SLC8A3: variants seen among roughly 807,000 people sequenced by gnomAD.
SLC8A3 encodes the protein solute carrier family 8 member A3.
A neutral mutation model predicts 65.4 loss-of-function variants in SLC8A3; 37 were observed. The observed-to-expected ratio is 0.57, with a 90% CI of 0.44 to 0.74. SLC8A3 has a LOEUF of 0.74. Among genes scored for constraint, SLC8A3 ranks in the 30% least tolerant of loss-of-function variants. The probability of loss-of-function intolerance (pLI) is 0.00; values close to 1 mark genes in which losing one functional copy is unlikely to be tolerated. For synonymous variants in SLC8A3, 461 were observed against 444.5 expected, an observed-to-expected ratio of 1.04 and a Z score of -0.47; for missense variants, 1,112 against 1,172.1, an observed-to-expected ratio of 0.95 and a Z score of 0.75.
Position 70,107,356 on chromosome 14 carries a change from C to T in SLC8A3, c.1785-46417G>A, listed in dbSNP as rs571441916. 2.0e-5 allele frequency among the ~76,000 whole-genome samples: 3 copies of T among 152,200 alleles called. No homozygotes were observed. In the South Asian group the frequency reaches 6.2e-4, roughly 32 times the overall value. On this transcript the variant is annotated intron_variant, in intron 2 of 6. Coordinates refer to ENST00000356921, the MANE Select transcript of SLC8A3 (RefSeq NM_182932.3). The stretch of plus-strand genomic sequence containing the variant: ...GATACTTTTTATCAGAATCCTTGAA[C>T]AGAATAGCCATTTCACATTCAGATT...
At chr14:70,076,720 A>C (rs142396687) in intron 2 of SLC8A3, among the ~76,000 whole-genome samples, 1 of 152,244 alleles carries the variant, frequency 6.6e-6, no homozygotes, top group East Asian at 1.9e-4. Context: ...CCTTCAAAAC[A>C]TGCATGAAAA....
At chr14:70,098,280 G>T (rs954055521) in intron 2 of SLC8A3, among the ~76,000 whole-genome samples, 2 of 133,066 alleles carry the variant, frequency 1.5e-5, no homozygotes, top group Non-Finnish European at 3.2e-5. Flanking sequence ...TTCTTTAGAG[G>T]TTTTCCTTCT....
chr14:70,077,051 C>T (rs967834780), intron 2 of SLC8A3, among the ~76,000 whole-genome samples: 1 of 152,180 alleles, frequency 6.6e-6, no homozygotes, highest in Non-Finnish European at 1.5e-5. Flanking sequence ...CCCCACAGCA[C>T]AGTAACTGGC....
intron 1 of SLC8A3, among the ~76,000 whole-genome samples, chr14:70,185,422 G>C (rs1427108195): frequency 1.3e-5 from 2 of 152,220 alleles, no homozygotes; most frequent in African/African-American, 2.4e-5. Flanking sequence ...ACTGTGCCCA[G>C]AGAATGCAAG....
At chr14:70,074,518 C>T (rs894314268) in intron 2 of SLC8A3, among the ~76,000 whole-genome samples, 8 of 152,140 alleles carry the variant, frequency 5.3e-5, no homozygotes, top group African/African-American at 1.9e-4. Context: ...AGGCAAACTA[C>T]TTGGGAGATA....
At chr14:70,183,449 C>T (rs1203254905) in intron 1 of SLC8A3, among the ~76,000 whole-genome samples, 1 of 152,196 alleles carries the variant, frequency 6.6e-6, no homozygotes, top group African/African-American at 2.4e-5. Flanking sequence ...CTTCTTCAGG[C>T]CTGTCTCAGC....
chr14:70,185,214 G>A (rs529221653), intron 1 of SLC8A3, among the ~76,000 whole-genome samples: 15 of 152,296 alleles, frequency 9.8e-5, no homozygotes, highest in African/African-American at 3.6e-4. Context: ...TGATCCGCCT[G>A]CCTCGGCCTC....
chr14:70,156,939 C>T (rs186850280), intron 2 of SLC8A3, among the ~76,000 whole-genome samples: 40 of 152,270 alleles, frequency 2.6e-4, no homozygotes, highest in Non-Finnish European at 4.0e-4. Context: ...TATCTTCTGA[C>T]GCTAGTGTCC....
intron 2 of SLC8A3, among the ~76,000 whole-genome samples, chr14:70,109,287 C>CTA (rs945369484): frequency 1.2e-4 from 17 of 144,452 alleles, no homozygotes; most frequent in South Asian, 2.2e-4. Context: ...GGTTCTTAAC[C>CTA]TATATATATA....
At chr14:70,055,645 G>A in intron 3 of SLC8A3, 2 of 618,434 alleles carry the variant, frequency 3.2e-6, no homozygotes, top group South Asian at 2.5e-5. Flanking sequence ...TTCTTCATGT[G>A]GGAAAATAAA....
chr14:70,121,655 C>T (rs1309265853), intron 2 of SLC8A3, among the ~76,000 whole-genome samples: 1 of 152,108 alleles, frequency 6.6e-6, no homozygotes, highest in African/African-American at 2.4e-5. Context: ...CCAGTGGTTA[C>T]CTTCTGGTTG....
chr14:70,179,358 TA>T (rs1309097080), intron 1 of SLC8A3, among the ~76,000 whole-genome samples: 15 of 152,256 alleles, frequency 9.9e-5, no homozygotes, highest in Non-Finnish European at 1.8e-4. Flanking sequence ...TACTCCATAG[TA>T]GCAGGAATCT....
intron 2 of SLC8A3, among the ~76,000 whole-genome samples, chr14:70,092,593 A>C (rs1302581012): frequency 6.6e-6 from 1 of 152,144 alleles, no homozygotes; most frequent in Non-Finnish European, 1.5e-5. Context: ...GGGAGTGGCT[A>C]TCTTTTTACA....
intron 1 of SLC8A3, among the ~76,000 whole-genome samples, chr14:70,187,599 CTG>C (rs3053393): frequency 0.086 from 10,183 of 118,090 alleles, 390 homozygotes; most frequent in East Asian, 0.12. Flanking sequence ...AGGGCTTTGA[CTG>C]TGTGTGTGTG....
chr14:70,135,146 A>C (rs1193978272), intron 2 of SLC8A3, among the ~76,000 whole-genome samples: 2 of 152,246 alleles, frequency 1.3e-5, no homozygotes, highest in Non-Finnish European at 2.9e-5. Context: ...AAAATGCTCA[A>C]CATCACTAAT....
At chr14:70,105,109 C>T (rs1892772341) in intron 2 of SLC8A3, among the ~76,000 whole-genome samples, 1 of 152,164 alleles carries the variant, frequency 6.6e-6, no homozygotes, top group Non-Finnish European at 1.5e-5. Context: ...GCAGGTGGAT[C>T]ACAAGGTCAG....
chr14:70,089,963 T>C (rs1178228408), intron 2 of SLC8A3, among the ~76,000 whole-genome samples: 2 of 152,204 alleles, frequency 1.3e-5, no homozygotes, highest in Non-Finnish European at 2.9e-5. Flanking sequence ...TTTTCTTAAT[T>C]TTTGAAATAA....
chr14:70,112,159 C>T (rs1314478288), intron 2 of SLC8A3, among the ~76,000 whole-genome samples: 1 of 152,170 alleles, frequency 6.6e-6, no homozygotes, highest in African/African-American at 2.4e-5. Context: ...GACTGAGTCT[C>T]GCCATTAGGC....
At chr14:70,117,600 T>C (rs534707547) in intron 2 of SLC8A3, among the ~76,000 whole-genome samples, 1 of 152,240 alleles carries the variant, frequency 6.6e-6, no homozygotes, top group Admixed American at 6.5e-5. Context: ...ATGCTTTTAA[T>C]TTTTTTTCTG....
Sources: gnomAD v4.1 joint callset for allele counts (sites outside exome capture counted in the v4.1 genomes callset) on GRCh38, gnomAD v4.1.1 for gene constraint, MANE v1.5 for transcripts, NCBI Gene and HGNC (gene_info 2026-07-23, HGNC 2026-07-21) for gene names.